MAPT: variants seen among roughly 807,000 people sequenced by gnomAD.
The protein encoded by MAPT is microtubule associated protein tau.
Under a neutral mutation model 67.9 loss-of-function variants are expected in MAPT, and 34 were observed. The ratio of observed to expected loss-of-function variants is 0.50; its 90% CI spans 0.38 to 0.67. The LOEUF (loss-of-function observed/expected upper bound fraction) is 0.67, where lower values mean the gene tolerates loss of function less well. MAPT is among the 30% of genes least tolerant of loss of function. The pLI, the probability that MAPT is intolerant of heterozygous loss-of-function variation, is 0.00. For missense variants in MAPT, 881 were observed against 1,115.2 expected, an observed-to-expected ratio of 0.79 and a Z score of 2.99; for synonymous variants, 456 against 464.5, an observed-to-expected ratio of 0.98 and a Z score of 0.23.
chr17:45,958,514 G>A lies in MAPT; in HGVS notation c.-17-3807G>A, dbSNP rs559065072. Among the ~76,000 whole-genome samples the A allele has an allele frequency of 2.0e-5, 3 of 152,250 alleles. No individual in the cohort carries two copies. In the East Asian group the frequency reaches 5.8e-4, roughly 29 times the overall value. ...GCAGGCGGATCACTTGATCCCAGGA[G>A]TTCCAACACCAGCCTGAGCAACATG... is the stretch of plus-strand genomic sequence containing the variant. On this transcript the variant is annotated intron_variant, in intron 1 of 12. Coordinates refer to ENST00000262410, the MANE Select transcript of MAPT (RefSeq NM_001377265.1).
chr17:46,001,355 T>C (rs191182923), intron 9 of MAPT, among the ~76,000 whole-genome samples: 227 of 151,768 alleles, frequency 1.5e-3, no homozygotes, highest in Non-Finnish European at 2.2e-3. Flanking sequence ...AGGTTCTTAA[T>C]GGAGGGGAAA....
At chr17:45,999,910 G>A (rs1260298482) in intron 9 of MAPT, among the ~76,000 whole-genome samples, 1 of 152,034 alleles carries the variant, frequency 6.6e-6, no homozygotes, top group African/African-American at 2.4e-5. Context: ...GAATCTCCAG[G>A]AAAAAAGAAA....
intron 1 of MAPT, among the ~76,000 whole-genome samples, chr17:45,903,713 T>TAAAAAA (rs1472860426): frequency 4.9e-5 from 3 of 60,880 alleles, no homozygotes; most frequent in Non-Finnish European, 6.7e-5. Flanking sequence ...AGACTTCTTC[T>TAAAAAA]CAAAAAAAAA....
intron 1 of MAPT, among the ~76,000 whole-genome samples, chr17:45,936,957 G>A (rs1188612151): frequency 6.6e-6 from 1 of 152,152 alleles, no homozygotes; most frequent in African/African-American, 2.4e-5. Flanking sequence ...CTCCACCTGG[G>A]AGAGGATGGC....
At chr17:45,946,093 G>GC (rs2068447591) in intron 1 of MAPT, among the ~76,000 whole-genome samples, 1 of 151,910 alleles carries the variant, frequency 6.6e-6, no homozygotes, top group African/African-American at 2.4e-5. Flanking sequence ...AGAGTGGTTT[G>GC]CCCAAGAAAG....
At chr17:45,960,209 T>G (rs1364870936) in intron 1 of MAPT, among the ~76,000 whole-genome samples, 1 of 152,254 alleles carries the variant, frequency 6.6e-6, no homozygotes, top group Non-Finnish European at 1.5e-5. Context: ...TTTTCAAATG[T>G]GATCAGAATG....
At chr17:45,990,209 T>C in intron 7 of MAPT, 134 bp downstream of exon 7, 1 of 827,294 alleles carries the variant, frequency 1.2e-6, no homozygotes. Flanking sequence ...TGTAAAATAG[T>C]TAGAATTCTG....
At chr17:45,980,118 A>G (rs1010185947) in intron 4 of MAPT, 2 of 152,172 alleles carry the variant, frequency 1.3e-5, no homozygotes, top group Admixed American at 6.5e-5. Flanking sequence ...TACAATACTC[A>G]TTTATCTTGA....
intron 3 of MAPT, chr17:45,976,486 T>C (rs2072369373): frequency 6.6e-6 from 1 of 152,254 alleles, no homozygotes; most frequent in Admixed American, 6.5e-5. Context: ...GGTGCATGTG[T>C]CTTCAGCTAC....
At chr17:45,962,563 A>G in intron 2 of MAPT, 93 bp downstream of exon 2, 1 of 1,478,702 alleles carries the variant, frequency 6.8e-7, no homozygotes, top group Non-Finnish European at 9.3e-7. Flanking sequence ...GAAATTTTAA[A>G]TACATTATTG....
intron 1 of MAPT, among the ~76,000 whole-genome samples, chr17:45,930,450 C>G (rs2066747963): frequency 2.0e-5 from 3 of 151,016 alleles, no homozygotes; most frequent in African/African-American, 7.3e-5. Context: ...AGGAGAGAGA[C>G]TAAAATGATA....
At chr17:45,932,632 T>G (rs1445265072) in intron 1 of MAPT, among the ~76,000 whole-genome samples, 1 of 129,702 alleles carries the variant, frequency 7.7e-6, no homozygotes. Context: ...ACTCTCAAAA[T>G]AAATACGTGT....
chr17:45,993,154 C>T (rs1352723921), intron 8 of MAPT, among the ~76,000 whole-genome samples: 1 of 152,200 alleles, frequency 6.6e-6, no homozygotes, highest in Non-Finnish European at 1.5e-5. Context: ...AGGGAGCTGC[C>T]CAGAGCCTGC....
chr17:45,990,594 C>A, intron 7 of MAPT: 1 of 348,174 alleles, frequency 2.9e-6, no homozygotes, highest in Admixed American at 4.0e-5. Flanking sequence ...AAGACCCTGT[C>A]GCAAAAATTG....
At chr17:45,937,747 G>A (rs1308073733) in intron 1 of MAPT, among the ~76,000 whole-genome samples, 2 of 152,050 alleles carry the variant, frequency 1.3e-5, no homozygotes, top group African/African-American at 2.4e-5. Flanking sequence ...ATGCTCTGTG[G>A]GCTTTTGTAC....
In MAPT at chr17:46,025,512, C is replaced by T. The variant is rs2076769551; in HGVS notation, c.*1341C>T. ...AAGTCCAGGCACAAGAGTGGGACCC[C>T]AGCCTCTCACTCTCAGTTCCACTCA... On this transcript the variant is annotated 3_prime_UTR_variant, in exon 13 of 13. Transcript: ENST00000262410. The T allele has an allele frequency of 6.5e-6, 1 of 152,734 alleles. No individual in the cohort carries two copies. The highest frequency in any genetic ancestry group is 1.5e-5 in the Non-Finnish European group (1 of 68,126). 9.5% of individuals were successfully genotyped at this position (152,734 alleles called of 1,614,324 possible).
chr17:45,962,214 C>T, intron 1 of MAPT, 107 bp from the exon 2 acceptor site: 1 of 916,036 alleles, frequency 1.1e-6, no homozygotes, highest in South Asian at 1.5e-5. Flanking sequence ...AGCAGGGAGG[C>T]TGAGATCTGC....
At chr17:45,965,526 C>T (rs1012726272) in intron 2 of MAPT, among the ~76,000 whole-genome samples, 1 of 151,822 alleles carries the variant, frequency 6.6e-6, no homozygotes, top group African/African-American at 2.4e-5. Flanking sequence ...AGCGATTCTC[C>T]TGCCTCAGCC....
chr17:45,926,920 TATATAC>T (rs2066356283), intron 1 of MAPT, among the ~76,000 whole-genome samples: 3 of 149,982 alleles, frequency 2.0e-5, no homozygotes, highest in Non-Finnish European at 4.5e-5. Context: ...TGTGTGTATA[TATATAC>T]ACATATATAC....
Sources: allele counts gnomAD v4.1 joint callset (sites outside exome capture counted in the v4.1 genomes callset), GRCh38; gene constraint gnomAD v4.1.1; transcripts MANE v1.5; gene names NCBI Gene and HGNC (gene_info 2026-07-23, HGNC 2026-07-21).